Variants in SLC5A12 observed in about 807,000 individuals in gnomAD.
The protein encoded by SLC5A12 is solute carrier family 5 member 12, also known as sodium-coupled monocarboxylate transporter 2.
SLC5A12 carries 46 observed loss-of-function variants against 72.7 expected under a neutral mutation model. That is an observed-to-expected ratio of 0.63 (90% CI 0.50 to 0.81). The LOEUF (loss-of-function observed/expected upper bound fraction) is 0.81. Among genes scored for constraint, SLC5A12 ranks in the 30% least tolerant of loss-of-function variants. The pLI is 0.00. For synonymous variants in SLC5A12, 275 were observed against 264.4 expected (o/e 1.04, Z -0.39); for missense variants, 683 against 740.7 (o/e 0.92, Z 0.90).
At chr11:26,679,902 A>G (rs1266182903) in intron 12 of SLC5A12, among the ~76,000 whole-genome samples, 2 of 152,094 alleles carry the variant, frequency 1.3e-5, no homozygotes, top group Non-Finnish European at 2.9e-5. Context: ...CTTGGATAGA[A>G]TGGGTTGTAT....
At chr11:26,722,798 T>G (rs1855505860), upstream of SLC5A12, among the ~76,000 whole-genome samples, 1 of 151,656 alleles carries the variant, frequency 6.6e-6, no homozygotes, top group Non-Finnish European at 1.5e-5. Context: ...CAATTTCTAA[T>G]TTTGTTCATG....
Position 26,686,492 on chromosome 11 carries a change from C to A in SLC5A12, c.1206G>T (p.Met402Ile), listed in dbSNP as rs376178277. The change falls in exon 10 of 15, where the codon ATG becomes ATT. Residue 402 changes from methionine to isoleucine, a missense_variant. Physicochemically the swap from Met to Ile is conservative, Grantham distance 10. Transcript: ENST00000396005. ...CTSMAVAASV[M>I]GGVVQASLSI... ...CTTTCGTTACCTGCACAACACCTCC[C>A]ATGACAGATGCAGCCACAGCCATAG... 1 of 1,613,952 alleles carries A rather than the reference C, an allele frequency of 6.2e-7. No individual in the cohort carries two copies. The highest frequency in any genetic ancestry group is 1.7e-5 in the Admixed American group (1 of 60,006).
At chr11:26,678,667 G>A in intron 13 of SLC5A12, 45 bp downstream of exon 13, 2 of 1,390,406 alleles carry the variant, frequency 1.4e-6, no homozygotes, top group Non-Finnish European at 2.0e-6. Context: ...ATGCATGCAT[G>A]AGCCCATATC....
In SLC5A12 at chr11:26,671,099, G is replaced by A. The variant is rs117765043; in HGVS notation, c.*3C>T. 1,018 of 1,607,836 alleles carry A rather than the reference G, an allele frequency of 6.3e-4. 2 individuals are homozygous for A. The highest frequency in any genetic ancestry group is 2.5e-3 in the Admixed American group (148 of 59,392). ...GTGTGTGTGCATTCATACAGGTATT[G>A]CCTTAGAAATGGGTAGTCTCAAATG... On this transcript the variant is annotated 3_prime_UTR_variant, in exon 15 of 15. Coordinates refer to ENST00000396005, the MANE Select transcript of SLC5A12 (RefSeq NM_178498.4).
At position 26,667,929 on chromosome 11, in the gene SLC5A12, C is replaced by T. The variant is rs1854037302; in HGVS notation, c.*3173G>A. 1 of 151,906 alleles carries T rather than the reference C, an allele frequency of 6.6e-6. No individual in the cohort carries two copies. The highest frequency in any genetic ancestry group is 2.4e-5 in the African/African-American group (1 of 41,356). The allele number at this position is 151,906 out of a possible 1,614,324, so 9.4% of individuals were successfully genotyped here. On this transcript the variant is annotated 3_prime_UTR_variant, in exon 15 of 15. Coordinates refer to ENST00000396005, the MANE Select transcript of SLC5A12 (RefSeq NM_178498.4). ...ATGAAACCATTTAAGTTAACATGTACACCATTTTCTTCATATACTGCAGAC... is the reference window on the plus strand; with the variant it reads ...ATGAAACCATTTAAGTTAACATGTATACCATTTTCTTCATATACTGCAGAC...
chr11:26,705,158 T>C (rs929953412), intron 4 of SLC5A12, among the ~76,000 whole-genome samples: 3 of 152,026 alleles, frequency 2.0e-5, no homozygotes, highest in South Asian at 2.1e-4. Flanking sequence ...AAGGTCTGGA[T>C]TGGGGCCTGG....
In SLC5A12 at chr11:26,683,768, C is replaced by T; in HGVS notation, c.1297G>A (p.Val433Met). The change falls in exon 11 of 15, where the codon GTG (valine) becomes ATG (methionine). Residue 433 changes from valine to methionine, a missense_variant. By Grantham distance (21) the Val-to-Met change is conservative. Coordinates refer to ENST00000396005, the MANE Select transcript of SLC5A12 (RefSeq NM_178498.4). ...LFSLGIVFPF[V>M]NWKGALGGLL... ...TGTGGGATCCTTACCTTCCAATTCA[C>T]AAAAGGGAACACGATTCCCAGGGAG... 6.3e-7 allele frequency: 1 copy of T among 1,589,522 alleles called. No individual in the cohort carries two copies. Among genetic ancestry groups the T allele is most frequent in the Non-Finnish European group, 8.6e-7 (1 of 1,167,640 alleles).
intron 9 of SLC5A12, among the ~76,000 whole-genome samples, chr11:26,691,434 T>C (rs1282709551): frequency 1.3e-5 from 2 of 151,762 alleles, no homozygotes; most frequent in Non-Finnish European, 2.9e-5. Context: ...GGAAAAACAT[T>C]ACAGATGCAG....
chr11:26,720,085 T>C (rs1855442860), intron 1 of SLC5A12, among the ~76,000 whole-genome samples: 1 of 152,178 alleles, frequency 6.6e-6, no homozygotes, highest in African/African-American at 2.4e-5. Flanking sequence ...TATATATTTG[T>C]ATTATGATTT....
At position 26,721,734 on chromosome 11, in the gene SLC5A12, G is replaced by A. The variant is rs1855487101; in HGVS notation, c.-20C>T. On this transcript the variant is annotated 5_prime_UTR_variant, in exon 1 of 15. Transcript: ENST00000396005. Reference sequence around the variant, plus strand: ...CTCCATATTGGAAAGTATGACACCAGAGAGTTTCTTTCAACGAGGTCTCAG... The same window carrying A: ...CTCCATATTGGAAAGTATGACACCAAAGAGTTTCTTTCAACGAGGTCTCAG... 6.3e-7 allele frequency: 1 copy of A among 1,596,382 alleles called. No homozygotes were observed. Among genetic ancestry groups the A allele is most frequent in the South Asian group, 1.1e-5 (1 of 89,080 alleles).
At chr11:26,692,124 A>T (rs542424943) in intron 9 of SLC5A12, 8 of 168,150 alleles carry the variant, frequency 4.8e-5, no homozygotes, top group African/African-American at 9.6e-5. Flanking sequence ...GCTAAGATTT[A>T]AAAAATTACA....
At chr11:26,687,791 C>G (rs904243174) in intron 9 of SLC5A12, among the ~76,000 whole-genome samples, 1 of 152,200 alleles carries the variant, frequency 6.6e-6, no homozygotes, top group African/African-American at 2.4e-5. Context: ...AGATTGATCA[C>G]TAAGCACTTG....
intron 6 of SLC5A12, 136 bp from the exon 7 acceptor site, chr11:26,698,671 ACTACACTT>A (rs1204026322): frequency 4.3e-6 from 3 of 703,464 alleles, no homozygotes; most frequent in Non-Finnish European, 4.3e-6. Flanking sequence ...TTTAAGAATC[ACTACACTT>A]TATACTTTTG....
chr11:26,697,703 T>C (rs879318872), intron 7 of SLC5A12, among the ~76,000 whole-genome samples: 1 of 152,098 alleles, frequency 6.6e-6, no homozygotes, highest in Non-Finnish European at 1.5e-5. Context: ...GAAGACATGA[T>C]AAGAGGCAGG....
At chr11:26,682,542 A>C (rs1370610953) in intron 11 of SLC5A12, among the ~76,000 whole-genome samples, 1 of 152,122 alleles carries the variant, frequency 6.6e-6, no homozygotes, top group African/African-American at 2.4e-5. Flanking sequence ...GGTGACACAA[A>C]TTTATAATAT....
chr11:26,710,574 G>C (rs985024336), intron 3 of SLC5A12, among the ~76,000 whole-genome samples: 3 of 151,948 alleles, frequency 2.0e-5, no homozygotes, highest in Admixed American at 6.6e-5. Flanking sequence ...TTGTGGTTTT[G>C]ATTTGCATTT....
intron 3 of SLC5A12, among the ~76,000 whole-genome samples, chr11:26,709,716 T>C (rs1002778987): frequency 2.0e-5 from 3 of 152,040 alleles, no homozygotes; most frequent in Non-Finnish European, 4.4e-5. Context: ...CACCTAAACA[T>C]GAGCCATGAG....
chr11:26,717,589 C>T (rs750048631), intron 1 of SLC5A12, among the ~76,000 whole-genome samples: 1 of 152,166 alleles, frequency 6.6e-6, no homozygotes, highest in Non-Finnish European at 1.5e-5. Context: ...GATGGCATAT[C>T]TTAGTCTTGA....
At chr11:26,715,419 C>G (rs1855328333) in intron 1 of SLC5A12, among the ~76,000 whole-genome samples, 1 of 152,118 alleles carries the variant, frequency 6.6e-6, no homozygotes, top group Non-Finnish European at 1.5e-5. Context: ...TTTTGCCTTT[C>G]AGTGAGGACA....
Sources: gnomAD v4.1 joint callset for allele counts (sites outside exome capture counted in the v4.1 genomes callset) on GRCh38, gnomAD v4.1.1 for gene constraint, MANE v1.5 for transcripts, NCBI Gene and HGNC (gene_info 2026-07-23, HGNC 2026-07-21) for gene names.